The following CUX2 variants were observed in gnomAD, a reference collection of about 807,000 sequenced individuals.
The protein encoded by CUX2 is cut like homeobox 2.
In CUX2, 40 loss-of-function variants were observed where a neutral mutation model predicts 144.8. That is an observed-to-expected ratio of 0.28 (90% CI 0.21 to 0.36). The LOEUF (loss-of-function observed/expected upper bound fraction) is 0.36, where lower values mean the gene tolerates loss of function less well. Among genes scored for constraint, CUX2 ranks in the 10% least tolerant of loss-of-function variants. The pLI is 1.00. For synonymous variants in CUX2, 827 were observed against 875.6 expected (o/e 0.94, Z 0.98); for missense variants, 1,615 against 1,994.0 (o/e 0.81, Z 3.62).
At chr12:111,197,258 C>T (rs1050067112) in intron 1 of CUX2, among the ~76,000 whole-genome samples, 4 of 152,208 alleles carry the variant, frequency 2.6e-5, no homozygotes, top group African/African-American at 9.6e-5. Flanking sequence ...GTGCCTACCA[C>T]TTAGTCAGTG....
In CUX2 at chr12:111,177,515, C is replaced by T. The variant is rs144309533; in HGVS notation, c.64-36685C>T. On this transcript the variant is annotated intron_variant, in intron 1 of 21. Transcript: ENST00000261726. ...AAGCAATTCTCCTGCCTCAGCCTCC[C>T]GAATAGCTGGGACTACAGGTACGCG... Among the ~76,000 whole-genome samples the T allele has an allele frequency of 6.5e-4, 99 of 152,260 alleles. 2 individuals carry two copies. The East Asian group carries it at 0.014, about 21-fold the overall frequency.
chr12:111,255,463 C>G lies in CUX2; in HGVS notation c.223-8298C>G, dbSNP rs1367188750. Among the ~76,000 whole-genome samples, 1 of 152,224 alleles carries G rather than the reference C, an allele frequency of 6.6e-6. No individual in the cohort carries two copies. The highest frequency in any genetic ancestry group is 1.5e-5 in the Non-Finnish European group (1 of 68,034). On this transcript the variant is annotated intron_variant, in intron 3 of 21. Coordinates refer to ENST00000261726, the MANE Select transcript of CUX2 (RefSeq NM_015267.4). The surrounding 1 kb of genome is among the most constrained non-coding windows in gnomAD (Gnocchi z 4.1). ...AGGCAGGCAGGGTTGAGTCCTGCAG[C>G]TCCTCCTGGCCTCCCGTCCCCCACC... is the stretch of plus-strand genomic sequence containing the variant.
chr12:111,301,948 G>T (rs1886315521), intron 9 of CUX2, among the ~76,000 whole-genome samples: 1 of 152,164 alleles, frequency 6.6e-6, no homozygotes. Context: ...TTCAAGGCTT[G>T]TCCTTTAGTC....
At position 111,310,035 on chromosome 12, in the gene CUX2, T is replaced by C. The variant is rs140435518; in HGVS notation, c.1259-6T>C. On this transcript the variant is annotated splice_polypyrimidine_tract_variant and splice_region_variant and intron_variant, in intron 14 of 21. Coordinates refer to ENST00000261726, the MANE Select transcript of CUX2 (RefSeq NM_015267.4). This position sits in a 1 kb window ranked among gnomAD's most constrained non-coding sequence, Gnocchi z 7.9. Reference sequence around the variant, plus strand: ...GTCTGTCTGTCTGTCTGTCTGGGTGTTCTAGAGGAAGACCCATCAGAGGAC... The same window carrying C: ...GTCTGTCTGTCTGTCTGTCTGGGTGCTCTAGAGGAAGACCCATCAGAGGAC... The C allele has an allele frequency of 7.5e-4, 978 of 1,311,820 alleles. 11 individuals carry two copies. The African/African-American group carries it at 0.014, about 18-fold the overall frequency. 81.3% of individuals were successfully genotyped at this position (1,311,820 alleles called of 1,614,324 possible).
Position 111,069,533 on chromosome 12 carries a change from T to TGTGTGTGTGTGTGTGTGTGTGCGCGCGC in CUX2, c.63+35312_63+35313insTGCGCGCGCGTGTGTGTGTGTGTGTGTG, listed in dbSNP as rs1555266238. Among the ~76,000 whole-genome samples the TGTGTGTGTGTGTGTGTGTGTGCGCGCGC allele has an allele frequency of 1.1e-3, 165 of 148,258 alleles. 1 individual carries two copies. In the South Asian group the frequency reaches 0.021, roughly 19 times the overall value. The stretch of plus-strand genomic sequence containing the variant: ...CAAAGCCTTGCTCTGTGTGTGTGTG[T>TGTGTGTGTGTGTGTGTGTGTGCGCGCGC]GTGTGTGTGTGTGTGTGTGCGCGCG... On this transcript the variant is annotated intron_variant, in intron 1 of 21. Transcript: ENST00000261726.
rs57018141 is a variant in CUX2, at chr12:111,330,686, CATATATATATATATATATATATATATAT to C, written c.2927-3717_2927-3690del. On this transcript the variant is annotated intron_variant, in intron 18 of 21. Coordinates refer to ENST00000261726, the MANE Select transcript of CUX2 (RefSeq NM_015267.4). ...CTATCTCTATTTAAAAATACATATA[CATATATATATATATATATATATATATAT>C]ATATATATATATATATATATATATA... is the stretch of plus-strand genomic sequence containing the variant. 9.6e-3 allele frequency among the ~76,000 whole-genome samples: 568 copies of C among 59,332 alleles called. 12 individuals are homozygous for C. Among genetic ancestry groups the C allele is most frequent in the Middle Eastern group, 0.043 (3 of 70 alleles). 38.9% of individuals were successfully genotyped at this position (59,332 alleles called of 152,430 possible).
chr12:111,209,419 C>T (rs1444742551), intron 1 of CUX2, among the ~76,000 whole-genome samples: 1 of 152,138 alleles, frequency 6.6e-6, no homozygotes, highest in Non-Finnish European at 1.5e-5. Flanking sequence ...ATTCACTAAG[C>T]TTAACATTGA....
In CUX2 at chr12:111,219,299, G is replaced by C. The variant is rs115239486; in HGVS notation, c.222+1362G>C. On this transcript the variant is annotated intron_variant, in intron 3 of 21. Transcript: ENST00000261726. ...CAGTATTGGTTCATTTGGTTGCAAG[G>C]TGCCTGGGCTTGGAAGAAAAAAACT... Among the ~76,000 whole-genome samples the C allele has an allele frequency of 4.8e-3, 730 of 151,870 alleles. 5 individuals are homozygous for C. The highest frequency in any genetic ancestry group is 0.017 in the African/African-American group (704 of 41,354).
At chr12:111,093,434 G>T (rs1402004186) in intron 1 of CUX2, among the ~76,000 whole-genome samples, 1 of 152,054 alleles carries the variant, frequency 6.6e-6, no homozygotes, top group Non-Finnish European at 1.5e-5. Context: ...GCAAGTAAGT[G>T]CGTGTTTGCA....
chr12:111,139,791 C>A (rs751999116), intron 1 of CUX2, among the ~76,000 whole-genome samples: 59 of 152,206 alleles, frequency 3.9e-4, no homozygotes, highest in Non-Finnish European at 7.2e-4. Flanking sequence ...ACAATTTTCT[C>A]CCAAGAACTG....
chr12:111,043,047 C>A (rs528202579), intron 1 of CUX2, among the ~76,000 whole-genome samples: 1 of 152,190 alleles, frequency 6.6e-6, no homozygotes, highest in Non-Finnish European at 1.5e-5. Flanking sequence ...TCCTTCACTC[C>A]AGAACTGTAC....
intron 3 of CUX2, among the ~76,000 whole-genome samples, chr12:111,251,894 A>G (rs1398504768): frequency 2.0e-5 from 3 of 152,054 alleles, no homozygotes; most frequent in Non-Finnish European, 4.4e-5. Flanking sequence ...ATCTGTCTGT[A>G]TGGGCCAGGA....
chr12:111,055,859 A>G (rs1471559936), intron 1 of CUX2, among the ~76,000 whole-genome samples: 3 of 152,206 alleles, frequency 2.0e-5, no homozygotes, highest in African/African-American at 4.8e-5. Context: ...CTAATTAGGC[A>G]CCTTGCTAAT....
chr12:111,285,323 C>T (rs1260837899), intron 4 of CUX2, among the ~76,000 whole-genome samples: 1 of 152,074 alleles, frequency 6.6e-6, no homozygotes, highest in Admixed American at 6.5e-5. Context: ...GTAGCTGGGC[C>T]GGCTGAGGGA....
Position 111,310,755 on chromosome 12 carries a change from A to G in CUX2, c.1900+73A>G. 1 of 1,484,152 alleles carries G rather than the reference A, an allele frequency of 6.7e-7. No individual in the cohort carries two copies. The highest frequency in any genetic ancestry group is 9.0e-7 in the Non-Finnish European group (1 of 1,112,886). The allele number at this position is 1,484,152 out of a possible 1,614,324, so 91.9% of individuals were successfully genotyped here. On this transcript the variant is annotated intron_variant, in intron 15 of 21. Transcript: ENST00000261726. The surrounding 1 kb of genome is among the most constrained non-coding windows in gnomAD (Gnocchi z 7.9). ...AGGGCATCAGGGCTGGGGGCTGAGGACACGCGCTCTGGGTTCAAAGCCCAG... is the reference window on the plus strand; with the variant it reads ...AGGGCATCAGGGCTGGGGGCTGAGGGCACGCGCTCTGGGTTCAAAGCCCAG...
chr12:111,112,494 G>T (rs1019667984), intron 1 of CUX2, among the ~76,000 whole-genome samples: 12 of 152,242 alleles, frequency 7.9e-5, no homozygotes, highest in South Asian at 6.2e-4. Context: ...GCGTTCTGGG[G>T]CTTTTGCTGT....
At chr12:111,338,140 T>G (rs1267092811) in intron 19 of CUX2, 146 bp from the exon 20 acceptor site, 1 of 788,082 alleles carries the variant, frequency 1.3e-6, no homozygotes, top group Non-Finnish European at 1.9e-6. Context: ...GTGTGGGTCC[T>G]CCGCCGTCTC....
At chr12:111,086,612 T>G (rs777520729) in intron 1 of CUX2, among the ~76,000 whole-genome samples, 1 of 152,156 alleles carries the variant, frequency 6.6e-6, no homozygotes, top group Non-Finnish European at 1.5e-5. Context: ...GACATCAAAT[T>G]GACTCTGTCT....
intron 1 of CUX2, among the ~76,000 whole-genome samples, chr12:111,170,066 G>A (rs1281156676): frequency 1.5e-4 from 23 of 152,202 alleles, no homozygotes; most frequent in Admixed American, 1.5e-3. Context: ...GAATTGGGGT[G>A]CCAACAGTAA....
Sources: gnomAD v4.1 joint callset for allele counts (sites outside exome capture counted in the v4.1 genomes callset) on GRCh38, gnomAD v4.1.1 for gene constraint, Gnocchi (gnomAD v3.1) non-coding constraint, MANE v1.5 for transcripts, NCBI Gene and HGNC (gene_info 2026-07-23, HGNC 2026-07-21) for gene names.